MYRIP: variants seen among roughly 807,000 people sequenced by gnomAD.
MYRIP encodes the protein myosin VIIA and Rab interacting protein.
A neutral mutation model predicts 98.0 loss-of-function variants in MYRIP; 49 were observed. The observed-to-expected ratio is 0.50, with a 90% CI of 0.40 to 0.63. The LOEUF is 0.63. Among genes scored for constraint, MYRIP ranks in the 30% least tolerant of loss-of-function variants. The pLI is 0.00. For missense variants in MYRIP, 1,004 were observed against 1,058.2 expected (o/e 0.95, Z 0.71); for synonymous variants, 404 against 409.5 (o/e 0.99, Z 0.16).
intron 2 of MYRIP, among the ~76,000 whole-genome samples, chr3:39,921,712 C>T (rs1327018634): frequency 6.6e-6 from 1 of 151,970 alleles, no homozygotes; most frequent in Non-Finnish European, 1.5e-5. Flanking sequence ...GAAACCCCGT[C>T]TCTACTAAAA....
chr3:40,219,567 G>T (rs1345616187), intron 11 of MYRIP, among the ~76,000 whole-genome samples: 1 of 151,772 alleles, frequency 6.6e-6, no homozygotes, highest in Non-Finnish European at 1.5e-5. Context: ...TCCCACCTAT[G>T]AGTGAGAACA....
intron 13 of MYRIP, among the ~76,000 whole-genome samples, chr3:40,245,705 C>T (rs1418672743): frequency 1.4e-5 from 2 of 145,696 alleles, no homozygotes; most frequent in African/African-American, 2.5e-5. Context: ...GAGAGACACT[C>T]GTCTCTGCAG....
intron 3 of MYRIP, among the ~76,000 whole-genome samples, chr3:40,088,801 C>T (rs1289742947): frequency 1.3e-5 from 2 of 152,182 alleles, no homozygotes; most frequent in African/African-American, 2.4e-5. Context: ...AGAGGACAGC[C>T]ATTAGGTATT....
intron 1 of MYRIP, among the ~76,000 whole-genome samples, chr3:39,864,624 A>T (rs1172076682): frequency 6.6e-6 from 1 of 152,116 alleles, no homozygotes; most frequent in Non-Finnish European, 1.5e-5. Flanking sequence ...ATGAGAATTT[A>T]AAAACACTGC....
At chr3:39,821,888 A>G (rs1027623337) in intron 1 of MYRIP, among the ~76,000 whole-genome samples, 27 of 152,210 alleles carry the variant, frequency 1.8e-4, no homozygotes, top group Non-Finnish European at 4.0e-4. Context: ...TCTTGAAAAG[A>G]AAGTTATTGG....
chr3:40,071,909 C>T (rs138601645), intron 3 of MYRIP, among the ~76,000 whole-genome samples: 8 of 152,088 alleles, frequency 5.3e-5, no homozygotes, highest in Non-Finnish European at 8.8e-5. Context: ...GGGAGCTGGC[C>T]GGTTCTCTGG....
At chr3:39,862,792 T>C (rs1468237285) in intron 1 of MYRIP, among the ~76,000 whole-genome samples, 1 of 152,222 alleles carries the variant, frequency 6.6e-6, no homozygotes, top group Non-Finnish European at 1.5e-5. Context: ...ATGGACCTGA[T>C]AGACTTCTAC....
At chr3:40,068,030 C>G (rs1244563180) in intron 3 of MYRIP, among the ~76,000 whole-genome samples, 1 of 152,114 alleles carries the variant, frequency 6.6e-6, no homozygotes, top group Non-Finnish European at 1.5e-5. Flanking sequence ...ATGTATTAAC[C>G]CATTTTCATG....
chr3:40,082,876 A>G (rs1948509681), intron 3 of MYRIP, among the ~76,000 whole-genome samples: 2 of 152,224 alleles, frequency 1.3e-5, no homozygotes, highest in South Asian at 2.1e-4. Context: ...TCCTTCTGTA[A>G]TAAGACACTT....
At chr3:40,086,848 G>A (rs973240646) in intron 3 of MYRIP, among the ~76,000 whole-genome samples, 5 of 151,958 alleles carry the variant, frequency 3.3e-5, no homozygotes, top group African/African-American at 1.2e-4. Context: ...TGACAGCCAT[G>A]GCCCCCCACA....
intron 1 of MYRIP, among the ~76,000 whole-genome samples, chr3:39,860,949 T>G (rs1162640054): frequency 6.6e-6 from 1 of 152,240 alleles, no homozygotes; most frequent in African/African-American, 2.4e-5. Flanking sequence ...TGCACACAGA[T>G]GCTAGCACCC....
At chr3:39,926,555 T>G (rs886479895) in intron 2 of MYRIP, among the ~76,000 whole-genome samples, 1 of 152,124 alleles carries the variant, frequency 6.6e-6, no homozygotes, top group African/African-American at 2.4e-5. Context: ...TGCTTATGGC[T>G]AGGCAGCTAT....
chr3:40,131,065 A>C (rs535804520), intron 3 of MYRIP, among the ~76,000 whole-genome samples: 1 of 152,340 alleles, frequency 6.6e-6, no homozygotes, highest in African/African-American at 2.4e-5. Flanking sequence ...TGGATGGTCC[A>C]TACAAACCTA....
At chr3:40,061,192 C>G (rs1022369437) in intron 3 of MYRIP, among the ~76,000 whole-genome samples, 4 of 152,132 alleles carry the variant, frequency 2.6e-5, no homozygotes, top group Non-Finnish European at 5.9e-5. Context: ...AGTTATTAAG[C>G]CCAGTACCCA....
At chr3:40,242,208 T>C (rs368978773) in intron 12 of MYRIP, 2 of 152,226 alleles carry the variant, frequency 1.3e-5, no homozygotes, top group South Asian at 2.1e-4. Context: ...TATGAGCATA[T>C]ATAAGTCACA....
chr3:40,242,302 A>C (rs1953046900), intron 12 of MYRIP: 1 of 151,634 alleles, frequency 6.6e-6, no homozygotes, highest in African/African-American at 2.5e-5. Flanking sequence ...CATCATCATT[A>C]TCCTCCTCCA....
chr3:39,934,725 TTGTAGATGAGAAACGTTATCAGTATA>T, intron 2 of MYRIP, among the ~76,000 whole-genome samples: 1 of 152,306 alleles, frequency 6.6e-6, no homozygotes, highest in Admixed American at 6.5e-5. Context: ...GTTAATGTTT[TTGTAGATGAGAAACGTTATCAGTATA>T]CAGCGAGGCA....
intron 1 of MYRIP, among the ~76,000 whole-genome samples, chr3:39,898,348 C>T (rs962986541): frequency 2.0e-5 from 3 of 152,104 alleles, no homozygotes; most frequent in African/African-American, 7.2e-5. Context: ...ATTATGCAGT[C>T]ATAAGGTTTT....
At chr3:40,231,420 T>C (rs1952654233) in intron 11 of MYRIP, among the ~76,000 whole-genome samples, 1 of 152,140 alleles carries the variant, frequency 6.6e-6, no homozygotes, top group South Asian at 2.1e-4. Flanking sequence ...AGGTTCCCAA[T>C]AAAAATGTAG....
Sources: allele counts gnomAD v4.1 joint callset (sites outside exome capture counted in the v4.1 genomes callset), GRCh38; gene constraint gnomAD v4.1.1; transcripts MANE v1.5; gene names NCBI Gene and HGNC (gene_info 2026-07-23, HGNC 2026-07-21).